Variants in GRIK5 observed in about 807,000 individuals in gnomAD.
The protein encoded by GRIK5 is glutamate ionotropic receptor kainate type subunit 5, also known as glutamate receptor ionotropic, kainate 5.
GRIK5 carries 43 observed loss-of-function variants against 97.4 expected under a neutral mutation model. That is an observed-to-expected ratio of 0.44 (90% CI 0.35 to 0.57). GRIK5 has a LOEUF of 0.57. GRIK5 is among the 20% of genes least tolerant of loss of function. GRIK5 has a pLI of 0.01. For missense variants in GRIK5, 1,015 were observed against 1,382.0 expected (o/e 0.73, Z 4.21); for synonymous variants, 580 against 583.5 (o/e 0.99, Z 0.09).
chr19:42,065,527 C>G lies in GRIK5; in HGVS notation c.80-140G>C. 1 of 1,015,286 alleles carries G rather than the reference C, an allele frequency of 9.8e-7. No individual in the cohort carries two copies. The allele number at this position is 1,015,286 out of a possible 1,614,324, so 62.9% of individuals were successfully genotyped here. A position where few individuals can be genotyped will look rare whatever the true frequency, so the allele number is the denominator to read the frequency against. On this transcript the variant is annotated intron_variant, in intron 2 of 19. Coordinates refer to ENST00000593562, the MANE Select transcript of GRIK5 (RefSeq NM_002088.5). The surrounding 1 kb of genome is among the most constrained non-coding windows in gnomAD (Gnocchi z 5.8). The stretch of plus-strand genomic sequence containing the variant: ...CACCTGGATCTGAGGTTGGTGGGAG[C>G]TAGGGGTCTGGACTCCTGGGTCCTG...
Position 42,042,781 on chromosome 19 carries a change from TC to T in GRIK5, c.1270-27del. 6.3e-7 allele frequency: 1 copy of T among 1,590,154 alleles called. No individual in the cohort carries two copies. Among genetic ancestry groups the T allele is most frequent in the Non-Finnish European group, 8.6e-7 (1 of 1,162,906 alleles). The stretch of plus-strand genomic sequence containing the variant: ...CTGGGTGGGCAGAAGAAAGCAGGGG[TC>T]AGAGGCTGGGTGTCTAGTGGCTGGG... On this transcript the variant is annotated intron_variant, in intron 11 of 19. Coordinates refer to ENST00000593562, the MANE Select transcript of GRIK5 (RefSeq NM_002088.5). The surrounding 1 kb of genome is among the most constrained non-coding windows in gnomAD (Gnocchi z 6.9).
intron 15 of GRIK5, among the ~76,000 whole-genome samples, chr19:42,017,986 G>A (rs2075645904): frequency 6.6e-6 from 1 of 151,920 alleles, no homozygotes; most frequent in African/African-American, 2.4e-5. Flanking sequence ...GAGTTGGGAG[G>A]GATGGGGGCC....
In GRIK5 at chr19:42,006,528, C is replaced by CA; in HGVS notation, c.2037+116dup. On this transcript the variant is annotated intron_variant, in intron 16 of 19. Transcript: ENST00000593562. This position sits in a 1 kb window ranked among gnomAD's most constrained non-coding sequence, Gnocchi z 5.3. Reference sequence around the variant, plus strand: ...TGTGTGTTTTCTGCTCCCCAGCCTCCAGGCTGTCACTGACAATCAGTCCCT... The same window carrying CA: ...TGTGTGTTTTCTGCTCCCCAGCCTCCAAGGCTGTCACTGACAATCAGTCCCT... 6.8e-6 allele frequency: 6 copies of CA among 876,446 alleles called. No individual in the cohort carries two copies. Among genetic ancestry groups the CA allele is most frequent in the Non-Finnish European group, 1.1e-5 (6 of 557,696 alleles). The allele number at this position is 876,446 out of a possible 1,614,324, so 54.3% of individuals were successfully genotyped here. A position where few individuals can be genotyped will look rare whatever the true frequency, so the allele number is the denominator to read the frequency against.
intron 1 of GRIK5, among the ~76,000 whole-genome samples, chr19:42,067,691 CAGAG>C (rs1308417308): frequency 6.6e-6 from 1 of 152,084 alleles, no homozygotes; most frequent in Admixed American, 6.5e-5. Flanking sequence ...TGGGAGCAGA[CAGAG>C]AAAGACAGGG....
At chr19:42,019,618 G>T (rs1296442905) in intron 15 of GRIK5, among the ~76,000 whole-genome samples, 1 of 152,200 alleles carries the variant, frequency 6.6e-6, no homozygotes. Context: ...GATATGGGGG[G>T]ATTACTCTGG....
chr19:42,012,106 G>T (rs952208829), intron 15 of GRIK5, among the ~76,000 whole-genome samples: 1 of 152,184 alleles, frequency 6.6e-6, no homozygotes, highest in Non-Finnish European at 1.5e-5. Flanking sequence ...GTTTGAACCA[G>T]CGGCTGGCTA....
rs1175521277 is a variant in GRIK5, at chr19:41,998,888, G to A, written c.2926C>T (p.Leu976=). The A allele has an allele frequency of 8.0e-6, 9 of 1,118,334 alleles. No homozygotes were observed. Among genetic ancestry groups the A allele is most frequent in the Non-Finnish European group, 6.6e-6 (6 of 915,456 alleles). The allele number at this position is 1,118,334 out of a possible 1,614,324, so 69.3% of individuals were successfully genotyped here. Residue 976 remains leucine (L), a synonymous_variant, in exon 20 of 20, where the codon CTG becomes TTG. Coordinates refer to ENST00000593562, the MANE Select transcript of GRIK5 (RefSeq NM_002088.5). ...PRPGPAGPRE[L]AEHE ...GCCCGTGGTCACTCGTGCTCCGCCA[G>A]CTCCCGGGGGCCGGCGGGGCCAGGC...
chr19:42,010,855 G>A (rs1453134492), intron 15 of GRIK5, among the ~76,000 whole-genome samples: 3 of 152,130 alleles, frequency 2.0e-5, no homozygotes, highest in Admixed American at 6.5e-5. Context: ...TCCTGCTCTA[G>A]GGTGGAGAGG....
chr19:42,059,551 G>C (rs747787200), intron 5 of GRIK5, 24 bp from the exon 6 acceptor site: 2 of 1,599,930 alleles, frequency 1.3e-6, no homozygotes, highest in Non-Finnish European at 8.5e-7. Context: ...GGGGCCTTGG[G>C]TTGGAGCCCT....
Position 41,999,187 on chromosome 19 carries a change from G to T in GRIK5, c.2627C>A (p.Ser876Ter). Residue 876 changes from serine to a stop codon, truncating the protein, a stop_gained, in exon 20 of 20, where the codon TCA becomes TAA. Coordinates refer to ENST00000593562, the MANE Select transcript of GRIK5 (RefSeq NM_002088.5). LOFTEE classifies it low-confidence loss of function (END_TRUNC). This position sits in a 1 kb window ranked among gnomAD's most constrained non-coding sequence, Gnocchi z 5.0. ...GCGCATCTCGCGGACCGCGCGCAGT[G>T]ACAGCAGGGCCCGGCTCGGGCCGCC... is the stretch of plus-strand genomic sequence containing the variant. Reference protein sequence around the residue: ...RPGGPSRALLSLRAVREMRLS... With the variant: ...RPGGPSRALL 2 of 1,512,890 alleles carry T rather than the reference G, an allele frequency of 1.3e-6. No homozygotes were observed. Among genetic ancestry groups the T allele is most frequent in the African/African-American group, 1.4e-5 (1 of 69,524 alleles). 93.7% of individuals were successfully genotyped at this position (1,512,890 alleles called of 1,614,324 possible). A position where few individuals can be genotyped will look rare whatever the true frequency, so the allele number is the denominator to read the frequency against.
At chr19:42,007,348 G>A (rs1555872971) in intron 15 of GRIK5, among the ~76,000 whole-genome samples, 1 of 152,142 alleles carries the variant, frequency 6.6e-6, no homozygotes, top group East Asian at 1.9e-4. Flanking sequence ...ACCTGCCTCA[G>A]CCTCCCAAAG....
In GRIK5 at chr19:42,069,618, AG is replaced by A. The variant is rs1243406053; in HGVS notation, c.-429del. 7.1e-6 allele frequency: 1 copy of A among 140,152 alleles called. No homozygotes were observed. Among genetic ancestry groups the A allele is most frequent in the Non-Finnish European group, 1.5e-5 (1 of 64,592 alleles). 8.7% of individuals were successfully genotyped at this position (140,152 alleles called of 1,614,324 possible). ...GGGGAGGGGGAAGCTGGCCCAGGAA[AG>A]GGCCCCCGCCCCCTCCCCTAGCCGG... is the stretch of plus-strand genomic sequence containing the variant. On this transcript the variant is annotated 5_prime_UTR_variant, in exon 1 of 20. Coordinates refer to ENST00000593562, the MANE Select transcript of GRIK5 (RefSeq NM_002088.5).
At chr19:42,012,929 A>C (rs1456709432) in intron 15 of GRIK5, among the ~76,000 whole-genome samples, 1 of 152,194 alleles carries the variant, frequency 6.6e-6, no homozygotes, top group Non-Finnish European at 1.5e-5. Flanking sequence ...TTTCAGTGTC[A>C]GTATCCATAA....
chr19:42,062,742 A>T lies in GRIK5; in HGVS notation c.342+16T>A, dbSNP rs199803219. 7.6e-4 allele frequency: 1,229 copies of T among 1,612,522 alleles called. 1 individual carries two copies. The highest frequency in any genetic ancestry group is 9.7e-4 in the Non-Finnish European group (1,147 of 1,178,696). ...CCCGCTCCCCACAAAGCGCCGGCCCACACTCCCCATCTCACCTCCTTCTCT... is the reference window on the plus strand; with the variant it reads ...CCCGCTCCCCACAAAGCGCCGGCCCTCACTCCCCATCTCACCTCCTTCTCT... On this transcript the variant is annotated intron_variant, in intron 4 of 19. Transcript: ENST00000593562. The surrounding 1 kb of genome is among the most constrained non-coding windows in gnomAD (Gnocchi z 5.3).
intron 12 of GRIK5, among the ~76,000 whole-genome samples, chr19:42,025,163 A>G (rs1031421307): frequency 1.3e-5 from 2 of 152,232 alleles, no homozygotes; most frequent in Admixed American, 6.5e-5. Flanking sequence ...AGACGCTTGC[A>G]TGCACACAGC....
At chr19:42,036,344 G>A (rs1186759249) in intron 12 of GRIK5, among the ~76,000 whole-genome samples, 2 of 147,092 alleles carry the variant, frequency 1.4e-5, no homozygotes, top group Non-Finnish European at 3.0e-5. Flanking sequence ...TTACAGATGT[G>A]AGCCACTGTG....
rs1274426750 is a variant in GRIK5, at chr19:42,065,983, G to A, written c.-50-163C>T. On this transcript the variant is annotated intron_variant, in intron 1 of 19. Transcript: ENST00000593562. This position sits in a 1 kb window ranked among gnomAD's most constrained non-coding sequence, Gnocchi z 5.8. ...TCTGTTTAGAAGCTGGCAATACTGA[G>A]GGCATTGCAAGAAGGGAAGCTCAGC... 1.3e-5 allele frequency among the ~76,000 whole-genome samples: 2 copies of A among 152,184 alleles called. No individual in the cohort carries two copies. The highest frequency in any genetic ancestry group is 6.5e-5 in the Admixed American group (1 of 15,288).
intron 3 of GRIK5, among the ~76,000 whole-genome samples, chr19:42,064,828 T>C (rs2076307786): frequency 6.6e-6 from 1 of 152,228 alleles, no homozygotes; most frequent in African/African-American, 2.4e-5. Flanking sequence ...CCACTCTTTC[T>C]ACATCCTGTT....
At position 42,003,169 on chromosome 19, in the gene GRIK5, T is replaced by C. The variant is rs1200926870; in HGVS notation, c.2514+163A>G. 6.6e-6 allele frequency among the ~76,000 whole-genome samples: 1 copy of C among 152,048 alleles called. No individual in the cohort carries two copies. The highest frequency in any genetic ancestry group is 6.6e-5 in the Admixed American group (1 of 15,266). ...CCTGTTCTTCCTCACGCGCTGATTC[T>C]CTGGCCCCATCAGCTCTCTTACTTC... On this transcript the variant is annotated intron_variant, in intron 19 of 19. Transcript: ENST00000593562. This position sits in a 1 kb window ranked among gnomAD's most constrained non-coding sequence, Gnocchi z 4.2.
Sources: gnomAD v4.1 joint callset for allele counts (sites outside exome capture counted in the v4.1 genomes callset) on GRCh38, gnomAD v4.1.1 for gene constraint, Gnocchi (gnomAD v3.1) non-coding constraint, MANE v1.5 for transcripts, NCBI Gene and HGNC (gene_info 2026-07-23, HGNC 2026-07-21) for gene names.